The following CCBE1 variants were observed in gnomAD, a reference collection of about 807,000 sequenced individuals.
CCBE1 encodes collagen and calcium binding EGF domains 1, also known as collagen and calcium-binding EGF domain-containing protein 1.
In CCBE1, 37 loss-of-function variants were observed where a neutral mutation model predicts 50.0. The observed-to-expected ratio is 0.74, with a 90% CI of 0.57 to 0.97. CCBE1 has a LOEUF of 0.97. CCBE1 is among the 50% of genes least tolerant of loss of function. The pLI is 0.00. For synonymous variants in CCBE1, 234 were observed against 203.7 expected, an observed-to-expected ratio of 1.15 and a Z score of -1.27; for missense variants, 538 against 523.8, an observed-to-expected ratio of 1.03 and a Z score of -0.26.
intron 2 of CCBE1, among the ~76,000 whole-genome samples, chr18:59,604,939 G>A (rs1024378467): frequency 3.3e-5 from 5 of 152,240 alleles, no homozygotes; most frequent in African/African-American, 1.2e-4. Flanking sequence ...ATCAGTAGGG[G>A]ATCCGGCAGC....
chr18:59,595,114 C>CAAAAAAAAAAAAAAA (rs546035209), intron 2 of CCBE1, among the ~76,000 whole-genome samples: 7 of 73,580 alleles, frequency 9.5e-5, no homozygotes, highest in African/African-American at 3.1e-4. Context: ...GACTCTGTCT[C>CAAAAAAAAAAAAAAA]AAAAAAAAAA....
At position 59,697,225 on chromosome 18, in the gene CCBE1, C is replaced by T. The variant is rs1258286870; in HGVS notation, c.118G>A (p.Glu40Lys). ...GHTWTYREEP[E>K]DGDREICSES... ...TGCAGCGCTTACCTGTCGCCGTCCTCCGGCTCCTCTCTGTAGGTCCACGTG... is the reference window on the plus strand; with the variant it reads ...TGCAGCGCTTACCTGTCGCCGTCCTTCGGCTCCTCTCTGTAGGTCCACGTG... The change falls in exon 1 of 11, where the codon GAG (glutamate) becomes AAG (lysine). Residue 40 changes from glutamate to lysine, a missense_variant. Glu to Lys is a moderately conservative substitution (Grantham distance 56). Transcript: ENST00000439986. 1.3e-5 allele frequency: 20 copies of T among 1,548,834 alleles called. No homozygotes were observed. The highest frequency in any genetic ancestry group is 1.2e-4 in the African/African-American group (9 of 73,002).
chr18:59,537,474 A>G (rs1480159841), intron 2 of CCBE1, among the ~76,000 whole-genome samples: 1 of 152,206 alleles, frequency 6.6e-6, no homozygotes, highest in Non-Finnish European at 1.5e-5. Flanking sequence ...TGATGGTTTT[A>G]TAAGAGGAAA....
intron 2 of CCBE1, chr18:59,688,482 A>C (rs2054686841): frequency 6.6e-6 from 1 of 152,242 alleles, no homozygotes; most frequent in Non-Finnish European, 1.5e-5. Flanking sequence ...TAACATGTTG[A>C]AATGTATGGA....
intron 2 of CCBE1, among the ~76,000 whole-genome samples, chr18:59,567,384 T>C (rs1263350570): frequency 1.3e-5 from 2 of 152,232 alleles, no homozygotes; most frequent in Non-Finnish European, 2.9e-5. Flanking sequence ...TCCATCCGCC[T>C]TGGCCTCCCA....
At chr18:59,677,633 G>T (rs1292663040) in intron 2 of CCBE1, among the ~76,000 whole-genome samples, 1 of 152,026 alleles carries the variant, frequency 6.6e-6, no homozygotes, top group Non-Finnish European at 1.5e-5. Flanking sequence ...AATTTTCCAG[G>T]ATACTCAGGA....
At chr18:59,599,806 G>A (rs2053406717) in intron 2 of CCBE1, among the ~76,000 whole-genome samples, 1 of 152,282 alleles carries the variant, frequency 6.6e-6, no homozygotes, top group Non-Finnish European at 1.5e-5. Context: ...GACCTGACAG[G>A]CTCCGAAACA....
At chr18:59,612,999 G>C (rs2053593400) in intron 2 of CCBE1, among the ~76,000 whole-genome samples, 1 of 151,980 alleles carries the variant, frequency 6.6e-6, no homozygotes, top group Admixed American at 6.6e-5. Flanking sequence ...GTGCTAAATT[G>C]CAAGGTATGG....
intron 2 of CCBE1, among the ~76,000 whole-genome samples, chr18:59,597,444 C>A (rs560635746): frequency 6.6e-6 from 1 of 152,154 alleles, no homozygotes; most frequent in Non-Finnish European, 1.5e-5. Flanking sequence ...CCTATTTAAT[C>A]TTTACAGCAA....
chr18:59,642,305 C>A (rs568463021), intron 2 of CCBE1, among the ~76,000 whole-genome samples: 1 of 152,202 alleles, frequency 6.6e-6, no homozygotes, highest in South Asian at 2.1e-4. Flanking sequence ...CCATTTTATA[C>A]CCACATGGAA....
At chr18:59,498,595 C>A (rs1913466474) in intron 2 of CCBE1, among the ~76,000 whole-genome samples, 1 of 152,214 alleles carries the variant, frequency 6.6e-6, no homozygotes. Context: ...CTGTACCAGA[C>A]AGAGCAAAGC....
intron 2 of CCBE1, among the ~76,000 whole-genome samples, chr18:59,579,991 G>A (rs971480609): frequency 6.6e-6 from 1 of 152,148 alleles, no homozygotes; most frequent in African/African-American, 2.4e-5. Flanking sequence ...AATTTGAGAA[G>A]AGCAAATCAC....
chr18:59,682,166 A>G (rs1055929635), intron 2 of CCBE1, among the ~76,000 whole-genome samples: 2 of 152,232 alleles, frequency 1.3e-5, no homozygotes, highest in Non-Finnish European at 2.9e-5. Context: ...AATCGAGACC[A>G]TCCTGGCCAA....
At chr18:59,559,166 TG>T (rs113297402) in intron 2 of CCBE1, among the ~76,000 whole-genome samples, 2,460 of 152,264 alleles carry the variant, frequency 0.016, 60 homozygotes, top group African/African-American at 0.049. Context: ...AGGCAGTAGA[TG>T]GGGTCTCCTG....
At chr18:59,652,781 G>T (rs143011659) in intron 2 of CCBE1, among the ~76,000 whole-genome samples, 3 of 152,142 alleles carry the variant, frequency 2.0e-5, no homozygotes, top group Admixed American at 6.5e-5. Flanking sequence ...TGGCTAACAC[G>T]GTGAAACCCC....
chr18:59,470,684 T>C (rs1470299465), intron 3 of CCBE1, among the ~76,000 whole-genome samples: 4 of 152,114 alleles, frequency 2.6e-5, no homozygotes, highest in Non-Finnish European at 5.9e-5. Context: ...TGAAGGGACT[T>C]TGGCTCTAAT....
At chr18:59,514,539 G>C (rs575874970) in intron 2 of CCBE1, among the ~76,000 whole-genome samples, 3 of 151,500 alleles carry the variant, frequency 2.0e-5, no homozygotes, top group African/African-American at 7.3e-5. Context: ...AGCCCTGTGC[G>C]TGTGAGGGTA....
At chr18:59,496,155 C>T (rs1008872126) in intron 2 of CCBE1, among the ~76,000 whole-genome samples, 1 of 152,142 alleles carries the variant, frequency 6.6e-6, no homozygotes, top group Admixed American at 6.5e-5. Flanking sequence ...CAGCTTCAGT[C>T]TCTGTGATAA....
intron 2 of CCBE1, among the ~76,000 whole-genome samples, chr18:59,481,972 T>C (rs1008320871): frequency 1.3e-5 from 2 of 152,196 alleles, no homozygotes; most frequent in Non-Finnish European, 2.9e-5. Flanking sequence ...GGTGGTTTGC[T>C]GCACCCATCA....
Sources: gnomAD v4.1 joint callset for allele counts (sites outside exome capture counted in the v4.1 genomes callset) on GRCh38, gnomAD v4.1.1 for gene constraint, MANE v1.5 for transcripts, NCBI Gene and HGNC (gene_info 2026-07-23, HGNC 2026-07-21) for gene names.